The following BACH2 variants were observed in gnomAD, a reference collection of about 807,000 sequenced individuals.
BACH2 encodes the protein BACH transcriptional regulator 2.
BACH2 carries 5 observed loss-of-function variants against 61.8 expected under a neutral mutation model. The ratio of observed to expected loss-of-function variants is 0.08; its 90% confidence interval spans 0.04 to 0.17. The LOEUF (loss-of-function observed/expected upper bound fraction) is 0.17, where lower values mean the gene tolerates loss of function less well. Among genes scored for constraint, BACH2 ranks in the 10% least tolerant of loss-of-function variants. The probability of loss-of-function intolerance (pLI) is 1.00; values close to 1 mark genes in which losing one functional copy is unlikely to be tolerated. For synonymous variants in BACH2, 446 were observed against 440.1 expected (o/e 1.01, Z -0.17); for missense variants, 824 against 1,091.1 (o/e 0.76, Z 3.45).
At chr6:90,210,606 T>C (rs16882507) in intron 3 of BACH2, among the ~76,000 whole-genome samples, 1,762 of 152,368 alleles carry the variant, frequency 0.012, 46 homozygotes, top group African/African-American at 0.04. Flanking sequence ...GGGAAAAAGA[T>C]ACCTGAGTTA....
intron 1 of BACH2, among the ~76,000 whole-genome samples, chr6:90,283,735 C>T (rs1004522501): frequency 2.6e-5 from 4 of 152,100 alleles, no homozygotes; most frequent in East Asian, 1.9e-4. Context: ...TGGCCAGGCA[C>T]GGCGGCTTAC....
intron 5 of BACH2, among the ~76,000 whole-genome samples, chr6:90,049,581 G>C (rs1179082446): frequency 1.3e-5 from 2 of 152,120 alleles, no homozygotes; most frequent in African/African-American, 4.8e-5. Flanking sequence ...AGCACTGCTG[G>C]TGCAAACGTA....
At chr6:90,228,844 T>C (rs962808026) in intron 3 of BACH2, among the ~76,000 whole-genome samples, 2 of 152,210 alleles carry the variant, frequency 1.3e-5, no homozygotes, top group Middle Eastern at 3.2e-3. Context: ...CTTACAGACA[T>C]GTCGCCAATA....
chr6:90,276,669 G>C (rs552994330), intron 1 of BACH2, among the ~76,000 whole-genome samples: 1 of 152,260 alleles, frequency 6.6e-6, no homozygotes, highest in Admixed American at 6.5e-5. Context: ...ACCATAGCTT[G>C]CATTATAGAT....
chr6:90,198,352 ACT>A, intron 4 of BACH2, among the ~76,000 whole-genome samples: 1 of 151,938 alleles, frequency 6.6e-6, no homozygotes, highest in Admixed American at 6.6e-5. Flanking sequence ...TCATCCACCG[ACT>A]CTCCTCCGAC....
Position 90,008,593 on chromosome 6 carries a change from T to C in BACH2, c.243+9A>G. The C allele has an allele frequency of 6.2e-7, 1 of 1,613,890 alleles. No individual in the cohort carries two copies. The highest frequency in any genetic ancestry group is 8.5e-7 in the Non-Finnish European group (1 of 1,179,986). ...TTCATTAACAATCACACAAACCAAA[T>C]TACTGTACCTCCTCAGGCAAGCTGA... On this transcript the variant is annotated intron_variant, in intron 6 of 8. Coordinates refer to ENST00000257749, the MANE Select transcript of BACH2 (RefSeq NM_021813.4). This position sits in a 1 kb window ranked among gnomAD's most constrained non-coding sequence, Gnocchi z 4.1.
At chr6:90,215,028 TA>T (rs1562508894) in intron 3 of BACH2, among the ~76,000 whole-genome samples, 1 of 152,136 alleles carries the variant, frequency 6.6e-6, no homozygotes, top group African/African-American at 2.4e-5. Context: ...TTGCTGGGAT[TA>T]CAGGCATGAG....
chr6:90,012,887 G>A (rs539672215), intron 5 of BACH2, among the ~76,000 whole-genome samples: 285 of 152,054 alleles, frequency 1.9e-3, no homozygotes, highest in African/African-American at 6.4e-3. Context: ...GACTGGTCTC[G>A]AACTCTTGGT....
intron 4 of BACH2, among the ~76,000 whole-genome samples, chr6:90,134,700 G>C (rs1367969351): frequency 6.6e-6 from 1 of 152,254 alleles, no homozygotes; most frequent in East Asian, 1.9e-4. Context: ...TTGACCAAAA[G>C]TCAGGGTATT....
chr6:89,986,348 C>T (rs961814492), intron 6 of BACH2, among the ~76,000 whole-genome samples: 4 of 151,866 alleles, frequency 2.6e-5, no homozygotes, highest in South Asian at 2.1e-4. Context: ...CCTCCTACTG[C>T]GTTTTTGTTC....
chr6:89,937,163 C>A, intron 8 of BACH2, among the ~76,000 whole-genome samples: 1 of 152,026 alleles, frequency 6.6e-6, no homozygotes, highest in African/African-American at 2.4e-5. Flanking sequence ...ACAGGGATGG[C>A]GATGACAGCC....
At chr6:89,991,024 C>T (rs1776517204) in intron 6 of BACH2, among the ~76,000 whole-genome samples, 2 of 152,236 alleles carry the variant, frequency 1.3e-5, no homozygotes, top group Admixed American at 6.5e-5. Flanking sequence ...CCCTAAATTA[C>T]TGTCTATCAC....
chr6:90,197,103 T>C (rs1768786889), intron 4 of BACH2, among the ~76,000 whole-genome samples: 1 of 152,212 alleles, frequency 6.6e-6, no homozygotes, highest in South Asian at 2.1e-4. Flanking sequence ...GATGTACATA[T>C]ATTCAAAAGC....
chr6:90,251,306 A>T (rs1770800720), intron 3 of BACH2, among the ~76,000 whole-genome samples: 1 of 152,210 alleles, frequency 6.6e-6, no homozygotes, highest in Admixed American at 6.5e-5. Context: ...AATAAAGAAA[A>T]ATCACACAGG....
chr6:89,958,465 C>G (rs1288632410), intron 6 of BACH2, among the ~76,000 whole-genome samples: 1 of 152,210 alleles, frequency 6.6e-6, no homozygotes, highest in Non-Finnish European at 1.5e-5. Flanking sequence ...AACTGTAAGA[C>G]AGGGATACTG....
chr6:90,275,022 T>C (rs1771647694), intron 1 of BACH2, among the ~76,000 whole-genome samples: 1 of 152,178 alleles, frequency 6.6e-6, no homozygotes, highest in Non-Finnish European at 1.5e-5. Flanking sequence ...GGCACCAGGC[T>C]AGACAAAGAA....
At chr6:90,132,608 T>G (rs1296061079) in intron 4 of BACH2, among the ~76,000 whole-genome samples, 1 of 152,182 alleles carries the variant, frequency 6.6e-6, no homozygotes, top group Non-Finnish European at 1.5e-5. Context: ...TTGTGCAGGT[T>G]CCTCCTCCCA....
chr6:89,984,045 C>A (rs1164947832), intron 6 of BACH2, among the ~76,000 whole-genome samples: 1 of 152,138 alleles, frequency 6.6e-6, no homozygotes, highest in Non-Finnish European at 1.5e-5. Flanking sequence ...TTGCTTCTTG[C>A]AGAATAAAAC....
intron 4 of BACH2, among the ~76,000 whole-genome samples, chr6:90,193,825 T>G (rs1347909336): frequency 6.6e-6 from 1 of 152,186 alleles, no homozygotes; most frequent in African/African-American, 2.4e-5. Flanking sequence ...TTATTTTACA[T>G]GAAAACAAAC....
Sources: allele counts gnomAD v4.1 joint callset (sites outside exome capture counted in the v4.1 genomes callset), GRCh38; gene constraint gnomAD v4.1.1; non-coding constraint Gnocchi (gnomAD v3.1); transcripts MANE v1.5; gene names NCBI Gene and HGNC (gene_info 2026-07-23, HGNC 2026-07-21).